The following FLVCR2 variants were observed in gnomAD, a reference collection of about 807,000 sequenced individuals.
FLVCR2 encodes FLVCR choline and putative heme transporter 2.
Under a neutral mutation model 48.9 loss-of-function variants are expected in FLVCR2, and 38 were observed. The observed-to-expected ratio is 0.78, with a 90% CI of 0.60 to 1.02. The LOEUF is 1.02. FLVCR2 is among the 50% of genes least tolerant of loss of function. FLVCR2 has a pLI of 0.00. For missense variants in FLVCR2, 664 were observed against 663.3 expected (o/e 1.00, Z -0.01); for synonymous variants, 255 against 257.0 (o/e 0.99, Z 0.07).
At chr14:75,638,728 AG>A (rs1460433753) in intron 5 of FLVCR2, among the ~76,000 whole-genome samples, 2 of 152,340 alleles carry the variant, frequency 1.3e-5, no homozygotes, top group African/African-American at 4.8e-5. Flanking sequence ...TGACAAGTCA[AG>A]GGGCAGATTG....
At chr14:75,635,427 C>G (rs982727257) in intron 5 of FLVCR2, among the ~76,000 whole-genome samples, 3 of 152,200 alleles carry the variant, frequency 2.0e-5, no homozygotes, top group Non-Finnish European at 4.4e-5. Context: ...TTGTGGACCC[C>G]ATGGGGTTGA....
At chr14:75,637,118 A>G (rs549564913) in intron 5 of FLVCR2, among the ~76,000 whole-genome samples, 1 of 152,218 alleles carries the variant, frequency 6.6e-6, no homozygotes, top group Non-Finnish European at 1.5e-5. Flanking sequence ...TTATTCCCGC[A>G]TGCAGTAGCA....
At chr14:75,605,028 C>G (rs529385125) in intron 1 of FLVCR2, among the ~76,000 whole-genome samples, 1 of 152,012 alleles carries the variant, frequency 6.6e-6, no homozygotes, top group Non-Finnish European at 1.5e-5. Flanking sequence ...CTGAAGGAAG[C>G]GGGCAGGGGT....
chr14:75,605,870 TG>T, intron 1 of FLVCR2: 1 of 515,888 alleles, frequency 1.9e-6, no homozygotes, highest in Admixed American at 3.2e-5. Flanking sequence ...TTCTCTCCCC[TG>T]GAAACTCCTG....
chr14:75,642,301 G>A (rs1357364995), intron 9 of FLVCR2, among the ~76,000 whole-genome samples: 1 of 152,168 alleles, frequency 6.6e-6, no homozygotes, highest in Non-Finnish European at 1.5e-5. Flanking sequence ...ACTCTGTCAT[G>A]GCAGTGCTGG....
chr14:75,601,844 T>C (rs1889174363), intron 1 of FLVCR2, among the ~76,000 whole-genome samples: 1 of 152,208 alleles, frequency 6.6e-6, no homozygotes, highest in Non-Finnish European at 1.5e-5. Flanking sequence ...TATATATATG[T>C]ACAGTGAAAT....
chr14:75,609,637 G>A (rs1889387331), intron 1 of FLVCR2, among the ~76,000 whole-genome samples: 1 of 152,162 alleles, frequency 6.6e-6, no homozygotes, highest in Admixed American at 6.5e-5. Flanking sequence ...GCCCATGGCA[G>A]TCCATGAAGC....
chr14:75,633,551 C>A, intron 3 of FLVCR2, 78 bp from the exon 4 acceptor site: 2 of 1,163,054 alleles, frequency 1.7e-6, no homozygotes, highest in South Asian at 1.2e-5. Context: ...GCCCACCCCC[C>A]AAATGCTGGG....
At chr14:75,583,520 G>T (rs1888663608) in intron 1 of FLVCR2, among the ~76,000 whole-genome samples, 1 of 152,110 alleles carries the variant, frequency 6.6e-6, no homozygotes. Flanking sequence ...ATACTTGTGG[G>T]TTAAGGTGGG....
chr14:75,637,728 CAAAAA>C (rs59847223), intron 5 of FLVCR2, among the ~76,000 whole-genome samples: 2 of 84,086 alleles, frequency 2.4e-5, no homozygotes, highest in African/African-American at 3.6e-5. Context: ...GACTCCATCT[CAAAAA>C]AAAAAAAAAA....
intron 3 of FLVCR2, chr14:75,631,952 C>A: frequency 4.8e-6 from 2 of 419,952 alleles, no homozygotes; most frequent in South Asian, 3.6e-5. Context: ...TTGGTTGGCC[C>A]ACTGTGGCTC....
chr14:75,606,369 T>C (rs1427881925), intron 1 of FLVCR2, among the ~76,000 whole-genome samples: 1 of 152,174 alleles, frequency 6.6e-6, no homozygotes, highest in African/African-American at 2.4e-5. Context: ...GGCTGTTTGT[T>C]TGGGCTAGTA....
chr14:75,580,936 C>T (rs1245086513), intron 1 of FLVCR2, among the ~76,000 whole-genome samples: 2 of 152,208 alleles, frequency 1.3e-5, no homozygotes, highest in African/African-American at 4.8e-5. Context: ...ACATTCCTGT[C>T]TTCTTATATT....
chr14:75,595,416 T>C (rs1441510394), intron 1 of FLVCR2, among the ~76,000 whole-genome samples: 1 of 152,166 alleles, frequency 6.6e-6, no homozygotes, highest in Non-Finnish European at 1.5e-5. Flanking sequence ...GGAGGTTGTG[T>C]TTGCTGGACA....
chr14:75,596,239 AAAAGCATGACTGTC>A (rs1889017715), intron 1 of FLVCR2: 1 of 619,228 alleles, frequency 1.6e-6, no homozygotes, highest in Non-Finnish European at 2.9e-6. Flanking sequence ...GCCAGGGAGG[AAAAGCATGACTGTC>A]TGCTTTCTAG....
At chr14:75,627,627 G>A (rs555216786) in intron 3 of FLVCR2, among the ~76,000 whole-genome samples, 14 of 152,312 alleles carry the variant, frequency 9.2e-5, no homozygotes, top group African/African-American at 2.6e-4. Flanking sequence ...GCAGGTCCCC[G>A]GAAAAGCCCT....
chr14:75,614,450 C>G (rs1889555421), intron 1 of FLVCR2, among the ~76,000 whole-genome samples: 1 of 152,198 alleles, frequency 6.6e-6, no homozygotes, highest in Admixed American at 6.5e-5. Context: ...GCAAGGCAAT[C>G]ACGCCTAGTG....
intron 3 of FLVCR2, among the ~76,000 whole-genome samples, chr14:75,629,164 A>G (rs558282594): frequency 4.6e-5 from 7 of 152,294 alleles, no homozygotes; most frequent in African/African-American, 1.7e-4. Context: ...ACACTCTTAG[A>G]GGTAGGGTTG....
In FLVCR2 at chr14:75,586,716, G is replaced by T. The variant is rs576305023; in HGVS notation, c.669+7075G>T. ...ATAACGCTTGTACTCCGGTAATTCT[G>T]ACCTCTCTGTTCAAATGCTTCTTAC... is the stretch of plus-strand genomic sequence containing the variant. On this transcript the variant is annotated intron_variant, in intron 1 of 9. Coordinates refer to ENST00000238667, the MANE Select transcript of FLVCR2 (RefSeq NM_017791.3). Among the ~76,000 whole-genome samples the T allele has an allele frequency of 5.3e-5, 8 of 151,954 alleles. No homozygotes were observed. The East Asian group carries it at 1.5e-3, about 29-fold the overall frequency.
Sources: gnomAD v4.1 joint callset for allele counts (sites outside exome capture counted in the v4.1 genomes callset) on GRCh38, gnomAD v4.1.1 for gene constraint, MANE v1.5 for transcripts, NCBI Gene and HGNC (gene_info 2026-07-23, HGNC 2026-07-21) for gene names.